The following HSD17B1 variants were observed in gnomAD, a reference collection of about 807,000 sequenced individuals.
HSD17B1 encodes 17-beta-hydroxysteroid dehydrogenase type 1.
HSD17B1 carries 16 observed loss-of-function variants against 22.7 expected under a neutral mutation model. The observed-to-expected ratio is 0.71, with a 90% CI of 0.48 to 1.07. The LOEUF is 1.07. Among genes scored for constraint, HSD17B1 ranks in the 50% least tolerant of loss-of-function variants. The probability of loss-of-function intolerance (pLI) is 0.00; values close to 1 mark genes in which losing one functional copy is unlikely to be tolerated. For missense variants in HSD17B1, 533 were observed against 459.9 expected (o/e 1.16, Z -1.45); for synonymous variants, 243 against 211.0 (o/e 1.15, Z -1.31).
intron 4 of HSD17B1, 124 bp from the exon 5 acceptor site, chr17:42,554,281 C>T: frequency 3.7e-6 from 5 of 1,344,750 alleles, no homozygotes; most frequent in Non-Finnish European, 3.0e-6. Flanking sequence ...CCTCACTTCC[C>T]AGCGCAGCGG....
Position 42,554,564 on chromosome 17 carries a change from C to T in HSD17B1, c.699C>T (p.Asn233=). ...AAGTCTTTCGCGAGGCGGCGCAGAA[C>T]CCTGAGGAGGTGGCGGAGGTGAGCG... ...SKQVFREAAQ[N]PEEVAEVFLT... The change falls in exon 5 of 6, where the codon AAC becomes AAT. Residue 233 remains asparagine (N), a synonymous_variant. Transcript: ENST00000585807. 6.2e-7 allele frequency: 1 copy of T among 1,613,840 alleles called. No individual in the cohort carries two copies. Among genetic ancestry groups the T allele is most frequent in the Non-Finnish European group, 8.5e-7 (1 of 1,179,878 alleles).
At position 42,553,469 on chromosome 17, in the gene HSD17B1, C is replaced by T. The variant is rs1363129660; in HGVS notation, c.296C>T (p.Pro99Leu). 1 of 1,613,302 alleles carries T rather than the reference C, an allele frequency of 6.2e-7. No individual in the cohort carries two copies. The highest frequency in any genetic ancestry group is 1.1e-5 in the South Asian group (1 of 91,044). Residue 99 changes from proline (P) to leucine (L), a missense_variant, in exon 3 of 6, where the codon CCG (proline) becomes CTG (leucine). Physicochemically the swap from Pro to Leu is moderately conservative, Grantham distance 98. Coordinates refer to ENST00000585807, the MANE Select transcript of HSD17B1 (RefSeq NM_000413.4). ...AACGCAGGCCTGGGCCTGCTGGGGC[C>T]GCTGGAGGCGCTGGGGGAGGACGCC... ...VCNAGLGLLG[P>L]LEALGEDAVA...
intron 2 of HSD17B1, 73 bp from the exon 3 acceptor site, chr17:42,553,366 C>T: frequency 6.2e-7 from 1 of 1,604,408 alleles, no homozygotes; most frequent in Non-Finnish European, 8.5e-7. Context: ...TTCCCAGGCC[C>T]AGGGAGCACG....
rs1597706436 is a variant in HSD17B1 at position 42,554,344 on chromosome 17, G to A, written c.540-61G>A. 7 of 1,511,690 alleles carry A rather than the reference G, an allele frequency of 4.6e-6. No homozygotes were observed. The East Asian group carries it at 1.7e-4, about 37-fold the overall frequency. 93.6% of individuals were successfully genotyped at this position (1,511,690 alleles called of 1,614,324 possible). On this transcript the variant is annotated intron_variant, in intron 4 of 5. Coordinates refer to ENST00000585807, the MANE Select transcript of HSD17B1 (RefSeq NM_000413.4). ...TGGTTGGGGCTGGGACTGGGGTTGG[G>A]GCTGGGACTGGGGCCTGGCTGGCGT...
Position 42,553,860 on chromosome 17 carries a change from C to A in HSD17B1, c.512C>A (p.Ala171Glu), listed in dbSNP as rs749346120. 3.1e-6 allele frequency: 5 copies of A among 1,612,806 alleles called. No individual in the cohort carries two copies. The highest frequency in any genetic ancestry group is 4.2e-6 in the Non-Finnish European group (5 of 1,179,326). ...CTCGAAGGCTTATGCGAGAGTCTGG[C>A]GGTTCTGCTGCTGCCCTTTGGGGTC... Reference protein sequence around the residue: ...FALEGLCESLAVLLLPFGVHL... With the variant: ...FALEGLCESLEVLLLPFGVHL... The change falls in exon 4 of 6, where the codon GCG (alanine) becomes GAG (glutamate). Residue 171 changes from alanine (A) to glutamate (E), a missense_variant. By Grantham distance (107) the Ala-to-Glu change is moderately radical. Transcript: ENST00000585807.
intron 3 of HSD17B1, 26 bp from the exon 4 acceptor site, chr17:42,553,768 T>G (rs1187154641): frequency 1.9e-6 from 3 of 1,610,032 alleles, no homozygotes; most frequent in Non-Finnish European, 1.7e-6. Flanking sequence ...CCGCTGCGCC[T>G]CAGGAACCTC....
chr17:42,553,058 G>A (rs761136507), intron 1 of HSD17B1, 28 bp downstream of exon 1: 3 of 1,614,120 alleles, frequency 1.9e-6, no homozygotes, highest in Middle Eastern at 1.7e-4. Flanking sequence ...CAGGGAGGGA[G>A]AGAAGGGAGG....
chr17:42,554,299 C>G (rs1244980411), intron 4 of HSD17B1, 106 bp from the exon 5 acceptor site: 4 of 1,412,686 alleles, frequency 2.8e-6, no homozygotes, highest in East Asian at 5.0e-5. Context: ...CGGTGCTGCT[C>G]GCGGTCGGGG....
In HSD17B1 at chr17:42,553,099, C is replaced by T. The variant is rs745672371; in HGVS notation, c.98-25C>T. On this transcript the variant is annotated intron_variant, in intron 1 of 5. Transcript: ENST00000585807. ...TTGGAGGCCAGAAGGGAAGTCAGAT[C>T]TTCCTCCTCTCCCAAAACCTCCAGT... 12 of 1,613,984 alleles carry T rather than the reference C, an allele frequency of 7.4e-6. No individual in the cohort carries two copies. The Admixed American group carries it at 2.0e-4, about 27-fold the overall frequency.
Position 42,553,512 on chromosome 17 carries a change from C to A in HSD17B1, c.339C>A (p.Asp113Glu), listed in dbSNP as rs748459259. ...LGEDAVASVL[D>E]VNVVGTVRML... ...AGGACGCCGTGGCCTCTGTGCTGGA[C>A]GTGAATGTAGTAGGGACTGTGCGGA... Residue 113 changes from aspartate to glutamate, a missense_variant, in exon 3 of 6, where the codon GAC becomes GAA. Physicochemically the swap from Asp to Glu is conservative, Grantham distance 45. Coordinates refer to ENST00000585807, the MANE Select transcript of HSD17B1 (RefSeq NM_000413.4). 6.2e-7 allele frequency: 1 copy of A among 1,613,974 alleles called. No homozygotes were observed. Among genetic ancestry groups the A allele is most frequent in the East Asian group, 2.2e-5 (1 of 44,876 alleles).
Position 42,554,751 on chromosome 17 carries a change from G to T in HSD17B1, c.800G>T (p.Arg267Leu), listed in dbSNP as rs139578066. ...CGCTTCCTGCCCCTGCTGCGGATGC[G>T]CCTGGACGACCCCAGCGGCTCCAAC... ...TERFLPLLRM[R>L]LDDPSGSNYV... is the part of the protein sequence containing the mutation. The change falls in exon 6 of 6, where the codon CGC becomes CTC. Residue 267 changes from arginine to leucine, a missense_variant. By Grantham distance (102) the Arg-to-Leu change is moderately radical. Coordinates refer to ENST00000585807, the MANE Select transcript of HSD17B1 (RefSeq NM_000413.4). 1.4e-4 allele frequency: 221 copies of T among 1,603,744 alleles called. No individual in the cohort carries two copies. The highest frequency in any genetic ancestry group is 1.8e-4 in the Admixed American group (11 of 59,990).
chr17:42,553,368 G>T (rs1470110277), intron 2 of HSD17B1, 71 bp from the exon 3 acceptor site: 2 of 1,603,874 alleles, frequency 1.2e-6, no homozygotes, highest in Non-Finnish European at 1.7e-6. Context: ...CCCAGGCCCA[G>T]GGAGCACGAG....
Position 42,554,747 on chromosome 17 carries a change from A to G in HSD17B1, c.796A>G (p.Met266Val). Residue 266 changes from methionine (M) to valine (V), a missense_variant, in exon 6 of 6, where the codon ATG becomes GTG. By Grantham distance (21) the Met-to-Val change is conservative. Transcript: ENST00000585807. ...CGAGCGCTTCCTGCCCCTGCTGCGGATGCGCCTGGACGACCCCAGCGGCTC... is the reference window on the plus strand; with the variant it reads ...CGAGCGCTTCCTGCCCCTGCTGCGGGTGCGCCTGGACGACCCCAGCGGCTC... ...TTERFLPLLR[M>V]RLDDPSGSNY... The G allele has an allele frequency of 6.2e-7, 1 of 1,603,738 alleles. No homozygotes were observed. The highest frequency in any genetic ancestry group is 8.5e-7 in the Non-Finnish European group (1 of 1,179,670).
At chr17:42,553,639 T>C (rs1235808771) in intron 3 of HSD17B1, 21 bp downstream of exon 3, 4 of 1,599,104 alleles carry the variant, frequency 2.5e-6, no homozygotes, top group African/African-American at 1.3e-5. Context: ...GGGAGTGGCC[T>C]CGGCAGCTCC....
intron 4 of HSD17B1, 118 bp from the exon 5 acceptor site, chr17:42,554,287 A>T: frequency 7.3e-7 from 1 of 1,370,198 alleles, no homozygotes; most frequent in Non-Finnish European, 9.7e-7. Flanking sequence ...TTCCCAGCGC[A>T]GCGGTGCTGC....
At chr17:42,553,058 G>C (rs761136507) in intron 1 of HSD17B1, 28 bp downstream of exon 1, 1 of 1,614,120 alleles carries the variant, frequency 6.2e-7, no homozygotes, top group East Asian at 2.2e-5. Flanking sequence ...CAGGGAGGGA[G>C]AGAAGGGAGG....
rs1353866301 is a variant in HSD17B1, at chr17:42,554,033, G to C, written c.539+146G>C. The C allele has an allele frequency of 1.5e-5, 11 of 758,618 alleles. No individual in the cohort carries two copies. In the Admixed American group the frequency reaches 2.4e-4, roughly 16 times the overall value. 47.0% of individuals were successfully genotyped at this position (758,618 alleles called of 1,614,324 possible). Reference sequence around the variant, plus strand: ...GCTGTGTGCCAGGCACTTGGGCTGGGCGCATGGCACGCATTGTGCCACCTG... The same window carrying C: ...GCTGTGTGCCAGGCACTTGGGCTGGCCGCATGGCACGCATTGTGCCACCTG... On this transcript the variant is annotated intron_variant, in intron 4 of 5. Coordinates refer to ENST00000585807, the MANE Select transcript of HSD17B1 (RefSeq NM_000413.4).
Position 42,554,319 on chromosome 17 carries a change from TGGTTGGGGCTGGGACTGG to T in HSD17B1, c.540-65_540-48del, listed in dbSNP as rs536518489. On this transcript the variant is annotated intron_variant, in intron 4 of 5. Transcript: ENST00000585807. ...CTGCTCGCGGTCGGGGGCCGGGACG[TGGTTGGGGCTGGGACTGG>T]GGTTGGGGCTGGGACTGGGGCCTGG... 4.5e-4 allele frequency: 656 copies of T among 1,459,096 alleles called. 4 individuals are homozygous for T. The Admixed American group carries it at 0.011, about 24-fold the overall frequency. 90.4% of individuals were successfully genotyped at this position (1,459,096 alleles called of 1,614,324 possible).
intron 3 of HSD17B1, 38 bp from the exon 4 acceptor site, chr17:42,553,756 G>A (rs1255056466): frequency 6.2e-7 from 1 of 1,604,268 alleles, no homozygotes; most frequent in African/African-American, 1.3e-5. Flanking sequence ...ATGACCCCCT[G>A]GCCGCTGCGC....
Sources: allele counts gnomAD v4.1 joint callset, GRCh38; gene constraint gnomAD v4.1.1; transcripts MANE v1.5; gene names NCBI Gene and HGNC (gene_info 2026-07-23, HGNC 2026-07-21).